The following ITPR1 variants were observed in gnomAD, a reference collection of about 807,000 sequenced individuals.
ITPR1 encodes the protein inositol 1,4,5-trisphosphate-gated calcium channel ITPR1.
A neutral mutation model predicts 318.4 loss-of-function variants in ITPR1; 96 were observed. That is an observed-to-expected ratio of 0.30 (90% CI 0.26 to 0.36). The LOEUF (loss-of-function observed/expected upper bound fraction) is 0.36. ITPR1 is among the 10% of genes least tolerant of loss of function. ITPR1 has a pLI of 1.00. For synonymous variants in ITPR1, 1,312 were observed against 1,289.9 expected (o/e 1.02, Z -0.37); for missense variants, 2,440 against 3,460.2 (o/e 0.71, Z 7.40).
intron 60 of ITPR1, among the ~76,000 whole-genome samples, chr3:4,825,353 C>T (rs1004154539): frequency 1.3e-5 from 2 of 152,180 alleles, no homozygotes; most frequent in African/African-American, 4.8e-5. Context: ...GTGGGATGCT[C>T]TCAGGAGGTG....
In ITPR1 at chr3:4,711,885, T is replaced by G. The variant is rs2041398359; in HGVS notation, c.5103+17T>G. 1 of 1,345,374 alleles carries G rather than the reference T, an allele frequency of 7.4e-7. No homozygotes were observed. The highest frequency in any genetic ancestry group is 2.3e-5 in the Admixed American group (1 of 42,918). The allele number at this position is 1,345,374 out of a possible 1,614,324, so 83.3% of individuals were successfully genotyped here. A position where few individuals can be genotyped will look rare whatever the true frequency, so the allele number is the denominator to read the frequency against. Reference sequence around the variant, plus strand: ...GGAGAAAAGGTACTGCATTTTATTTTCATGGTCAAACCAGGTTTTACTATG... The same window carrying G: ...GGAGAAAAGGTACTGCATTTTATTTGCATGGTCAAACCAGGTTTTACTATG... On this transcript the variant is annotated intron_variant, in intron 39 of 61. Coordinates refer to ENST00000649015, the MANE Select transcript of ITPR1 (RefSeq NM_001378452.1).
chr3:4,681,450 GA>G, intron 26 of ITPR1, 32 bp downstream of exon 26: 2 of 1,488,316 alleles, frequency 1.3e-6, no homozygotes, highest in Non-Finnish European at 1.9e-6. Flanking sequence ...GTTTTGTAGG[GA>G]AGGCTGCTCT....
At chr3:4,811,133 G>A (rs2048915894) in intron 55 of ITPR1, 132 bp from the exon 56 acceptor site, 3 of 513,168 alleles carry the variant, frequency 5.8e-6, no homozygotes, top group African/African-American at 3.9e-5. Flanking sequence ...AAGATGTTCA[G>A]TGTTAAGATC....
chr3:4,819,222 G>GCGATTA (rs1339372295), intron 60 of ITPR1, among the ~76,000 whole-genome samples: 1 of 152,248 alleles, frequency 6.6e-6, no homozygotes, highest in Non-Finnish European at 1.5e-5. Context: ...CAGCAGGGCA[G>GCGATTA]CGATTACGTG....
intron 44 of ITPR1, among the ~76,000 whole-genome samples, chr3:4,752,309 G>A (rs1443994815): frequency 1.3e-5 from 2 of 152,178 alleles, no homozygotes; most frequent in East Asian, 1.9e-4. Flanking sequence ...GTTTGGAGAC[G>A]GAAGGTGCAC....
intron 3 of ITPR1, among the ~76,000 whole-genome samples, chr3:4,520,088 A>G (rs2082445828): frequency 6.6e-6 from 1 of 152,216 alleles, no homozygotes; most frequent in African/African-American, 2.4e-5. Flanking sequence ...GAGGCAGCAC[A>G]GATGAATGGA....
At chr3:4,523,599 G>T (rs920024081) in intron 4 of ITPR1, among the ~76,000 whole-genome samples, 2 of 152,036 alleles carry the variant, frequency 1.3e-5, no homozygotes, top group Non-Finnish European at 2.9e-5. Context: ...CCAGCCCCTG[G>T]TGACCACTGT....
chr3:4,537,003 C>T (rs2083934000), intron 4 of ITPR1, among the ~76,000 whole-genome samples: 1 of 152,182 alleles, frequency 6.6e-6, no homozygotes, highest in Non-Finnish European at 1.5e-5. Flanking sequence ...GACAGGAGTG[C>T]AGCAGGGGCT....
intron 18 of ITPR1, among the ~76,000 whole-genome samples, chr3:4,667,791 C>T (rs907454574): frequency 6.6e-6 from 1 of 152,092 alleles, no homozygotes; most frequent in African/African-American, 2.4e-5. Context: ...ACTTTAATTT[C>T]CTTATCTGCT....
chr3:4,602,095 G>A (rs1559517077), intron 4 of ITPR1, among the ~76,000 whole-genome samples: 1 of 152,178 alleles, frequency 6.6e-6, no homozygotes, highest in African/African-American at 2.4e-5. Context: ...TGGCAGGATT[G>A]AAAATGACAC....
intron 5 of ITPR1, among the ~76,000 whole-genome samples, chr3:4,632,630 C>G (rs887470262): frequency 4.6e-5 from 7 of 152,168 alleles, no homozygotes; most frequent in African/African-American, 1.2e-4. Flanking sequence ...AATATACACT[C>G]AACACCAAAA....
Position 4,662,279 on chromosome 3 carries a change from C to T in ITPR1, c.1412+37C>T, listed in dbSNP as rs76972962. Reference sequence around the variant, plus strand: ...CGCATGCTCAGCACAGCCGCCCTCCCGCACTGAGAGTTTCTGACATCCATG... The same window carrying T: ...CGCATGCTCAGCACAGCCGCCCTCCTGCACTGAGAGTTTCTGACATCCATG... On this transcript the variant is annotated intron_variant, in intron 15 of 61. Coordinates refer to ENST00000649015, the MANE Select transcript of ITPR1 (RefSeq NM_001378452.1). The T allele has an allele frequency of 1.4e-3, 2,090 of 1,467,682 alleles. 38 individuals are homozygous for T. The African/African-American group carries it at 0.026, about 18-fold the overall frequency. 90.9% of individuals were successfully genotyped at this position (1,467,682 alleles called of 1,614,324 possible).
At chr3:4,498,746 T>C (rs530668820) in intron 2 of ITPR1, among the ~76,000 whole-genome samples, 1 of 152,366 alleles carries the variant, frequency 6.6e-6, no homozygotes, top group Non-Finnish European at 1.5e-5. Context: ...TAGGTGAACG[T>C]ACAGTTGACT....
At chr3:4,618,615 C>T (rs766169414) in intron 4 of ITPR1, among the ~76,000 whole-genome samples, 11 of 152,166 alleles carry the variant, frequency 7.2e-5, no homozygotes, top group Non-Finnish European at 1.5e-5. Flanking sequence ...ATTTGCATAG[C>T]TCTTTTGTAG....
intron 19 of ITPR1, among the ~76,000 whole-genome samples, chr3:4,670,104 T>A (rs1399821729): frequency 6.6e-6 from 1 of 152,234 alleles, no homozygotes; most frequent in Non-Finnish European, 1.5e-5. Flanking sequence ...ACATAATGAA[T>A]ATTCAGTGTT....
At chr3:4,796,783 C>T (rs1559912645) in intron 53 of ITPR1, among the ~76,000 whole-genome samples, 1 of 152,168 alleles carries the variant, frequency 6.6e-6, no homozygotes, top group Non-Finnish European at 1.5e-5. Context: ...ATTTGCCAAG[C>T]CACTCTGGGC....
At chr3:4,515,196 T>C (rs2082093985) in intron 2 of ITPR1, among the ~76,000 whole-genome samples, 2 of 152,268 alleles carry the variant, frequency 1.3e-5, no homozygotes, top group East Asian at 3.9e-4. Context: ...TTAACATAAG[T>C]TTGCTTTCAG....
At chr3:4,557,265 C>T (rs2086220784) in intron 4 of ITPR1, among the ~76,000 whole-genome samples, 2 of 152,306 alleles carry the variant, frequency 1.3e-5, no homozygotes, top group South Asian at 2.1e-4. Context: ...TACATGGTGG[C>T]AGGCAAGAGA....
chr3:4,693,454 A>C (rs1374727034), intron 32 of ITPR1, 36 bp from the exon 33 acceptor site: 1 of 1,599,118 alleles, frequency 6.3e-7, no homozygotes, highest in Non-Finnish European at 8.6e-7. Flanking sequence ...CACCCCTGCA[A>C]GCTTGTAATC....
Sources: allele counts gnomAD v4.1 joint callset (sites outside exome capture counted in the v4.1 genomes callset), GRCh38; gene constraint gnomAD v4.1.1; transcripts MANE v1.5; gene names NCBI Gene and HGNC (gene_info 2026-07-23, HGNC 2026-07-21).